Variants in PID1 observed in about 807,000 individuals in gnomAD.
PID1 encodes PTB-containing, cubilin and LRP1-interacting protein.
PID1 carries 10 observed loss-of-function variants against 19.1 expected under a neutral mutation model. The ratio of observed to expected loss-of-function variants is 0.52; its 90% CI spans 0.32 to 0.89. The LOEUF is 0.89. Among genes scored for constraint, PID1 ranks in the 40% least tolerant of loss-of-function variants. The pLI is 0.03. For missense variants in PID1, 248 were observed against 285.3 expected (o/e 0.87, Z 0.94); for synonymous variants, 130 against 116.0 (o/e 1.12, Z -0.78).
At chr2:229,040,650 T>A (rs1237849936) in intron 2 of PID1, among the ~76,000 whole-genome samples, 1 of 152,050 alleles carries the variant, frequency 6.6e-6, no homozygotes, top group Non-Finnish European at 1.5e-5. Context: ...TGAGTAAACC[T>A]AACTGGATTG....
At chr2:229,113,043 T>C (rs1324888905) in intron 2 of PID1, among the ~76,000 whole-genome samples, 1 of 152,118 alleles carries the variant, frequency 6.6e-6, no homozygotes, top group East Asian at 1.9e-4. Flanking sequence ...AGACTCTATG[T>C]GAGAGTAAAG....
At chr2:229,262,922 G>A in intron 1 of PID1, 1 of 1,460,390 alleles carries the variant, frequency 6.8e-7, no homozygotes, top group Non-Finnish European at 9.0e-7. Context: ...ATTGGCTCTA[G>A]GGTTCACCCT....
At chr2:229,216,095 G>A (rs1303558280) in intron 1 of PID1, among the ~76,000 whole-genome samples, 1 of 152,122 alleles carries the variant, frequency 6.6e-6, no homozygotes, top group East Asian at 1.9e-4. Flanking sequence ...CCAGACACTC[G>A]GCTTTAAGAA....
At chr2:229,055,513 A>T (rs1251557284) in intron 2 of PID1, among the ~76,000 whole-genome samples, 1 of 152,214 alleles carries the variant, frequency 6.6e-6, no homozygotes, top group Non-Finnish European at 1.5e-5. Flanking sequence ...GTATGTGCCC[A>T]TTTGATTAAT....
intron 1 of PID1, among the ~76,000 whole-genome samples, chr2:229,202,375 C>T (rs900490857): frequency 3.9e-5 from 6 of 152,056 alleles, no homozygotes; most frequent in Admixed American, 6.6e-5. Context: ...GAATTCAAGT[C>T]AATTACTTTG....
intron 1 of PID1, among the ~76,000 whole-genome samples, chr2:229,183,240 C>A (rs1269559768): frequency 6.6e-6 from 1 of 152,166 alleles, no homozygotes; most frequent in Non-Finnish European, 1.5e-5. Flanking sequence ...TTTTCAGCAA[C>A]CCCCTGAAGC....
intron 2 of PID1, among the ~76,000 whole-genome samples, chr2:229,063,679 T>G (rs760045332): frequency 1.5e-4 from 23 of 152,246 alleles, no homozygotes; most frequent in Non-Finnish European, 2.8e-4. Context: ...GTTTCCCTGT[T>G]GATTTTCTGT....
At chr2:229,145,155 G>GTGTATATATATATATATATATA (rs1391018424) in intron 2 of PID1, among the ~76,000 whole-genome samples, 1 of 119,968 alleles carries the variant, frequency 8.3e-6, no homozygotes, top group African/African-American at 3.2e-5. Flanking sequence ...ATATGTATGT[G>GTGTATATATATATATATATATA]TATATATATA....
At chr2:229,214,745 C>G (rs1691809616) in intron 1 of PID1, among the ~76,000 whole-genome samples, 1 of 152,018 alleles carries the variant, frequency 6.6e-6, no homozygotes, top group Non-Finnish European at 1.5e-5. Flanking sequence ...GTAGGGTTTT[C>G]TGTTGTTGAT....
At chr2:229,172,708 T>C (rs1290044270) in intron 1 of PID1, among the ~76,000 whole-genome samples, 2 of 152,144 alleles carry the variant, frequency 1.3e-5, no homozygotes, top group African/African-American at 4.8e-5. Context: ...GATTGGGACT[T>C]CAACATAATA....
intron 2 of PID1, among the ~76,000 whole-genome samples, chr2:229,054,390 T>G (rs1373023512): frequency 6.6e-6 from 1 of 152,158 alleles, no homozygotes; most frequent in African/African-American, 2.4e-5. Context: ...TGGAAGCGAT[T>G]ACCAAAGGAC....
intron 1 of PID1, among the ~76,000 whole-genome samples, chr2:229,212,368 T>A (rs1196201369): frequency 6.6e-6 from 1 of 152,208 alleles, no homozygotes; most frequent in Admixed American, 6.5e-5. Context: ...TGCTGCACAC[T>A]GTCTTTATTT....
intron 1 of PID1, among the ~76,000 whole-genome samples, chr2:229,249,003 T>C (rs1306501601): frequency 6.6e-6 from 1 of 152,150 alleles, no homozygotes; most frequent in Non-Finnish European, 1.5e-5. Flanking sequence ...AACCTAAAAC[T>C]TTCTCCCCCA....
intron 2 of PID1, among the ~76,000 whole-genome samples, chr2:229,109,454 T>C (rs995792382): frequency 6.6e-6 from 1 of 152,160 alleles, no homozygotes; most frequent in African/African-American, 2.4e-5. Context: ...TGGTGCGGAA[T>C]CCCACATGGG....
chr2:229,255,598 C>T (rs1313937991), intron 1 of PID1, among the ~76,000 whole-genome samples: 1 of 152,152 alleles, frequency 6.6e-6, no homozygotes, highest in Non-Finnish European at 1.5e-5. Context: ...CTCTACATGT[C>T]CTCCATTTTT....
At chr2:229,109,590 C>T (rs1695253020) in intron 2 of PID1, among the ~76,000 whole-genome samples, 1 of 152,208 alleles carries the variant, frequency 6.6e-6, no homozygotes, top group Non-Finnish European at 1.5e-5. Flanking sequence ...ATATAACCCC[C>T]AAAATCACCA....
chr2:229,173,160 T>G (rs1490376996), intron 1 of PID1, among the ~76,000 whole-genome samples: 1 of 152,156 alleles, frequency 6.6e-6, no homozygotes, highest in Non-Finnish European at 1.5e-5. Flanking sequence ...TCATTATTTG[T>G]TTTCATTCCA....
intron 2 of PID1, among the ~76,000 whole-genome samples, chr2:229,138,862 G>A (rs1239778276): frequency 1.6e-5 from 2 of 123,354 alleles, no homozygotes; most frequent in African/African-American, 5.9e-5. Context: ...GAATGTAGAA[G>A]GAGGAAAAAA....
chr2:229,109,024 T>C (rs983474802), intron 2 of PID1, among the ~76,000 whole-genome samples: 1 of 152,196 alleles, frequency 6.6e-6, no homozygotes, highest in African/African-American at 2.4e-5. Context: ...ATTTGGGTCA[T>C]ATCACATGGT....
Sources: allele counts gnomAD v4.1 joint callset (sites outside exome capture counted in the v4.1 genomes callset), GRCh38; gene constraint gnomAD v4.1.1; transcripts MANE v1.5; gene names NCBI Gene and HGNC (gene_info 2026-07-23, HGNC 2026-07-21).